Variants in PAPOLG observed in about 807,000 individuals in gnomAD.
The protein encoded by PAPOLG is poly(A) polymerase gamma.
A neutral mutation model predicts 99.0 loss-of-function variants in PAPOLG; 40 were observed. The observed-to-expected ratio is 0.40, with a 90% CI of 0.31 to 0.53. PAPOLG has a LOEUF of 0.53. Ranked by LOEUF, PAPOLG falls within the 20% of genes least tolerant of loss-of-function variation. PAPOLG has a pLI of 0.41. For synonymous variants in PAPOLG, 310 were observed against 299.3 expected (o/e 1.04, Z -0.37); for missense variants, 675 against 884.1 (o/e 0.76, Z 3.00).
At chr2:60,783,679 A>G (rs1397140349) in intron 13 of PAPOLG, among the ~76,000 whole-genome samples, 1 of 150,848 alleles carries the variant, frequency 6.6e-6, no homozygotes, top group Non-Finnish European at 1.5e-5. Context: ...CCCTGTGGCT[A>G]ATTTTTGTAT....
Position 60,797,188 on chromosome 2 carries a change from AAGCAATCATTTAG to A in PAPOLG, c.*29_*41del. On this transcript the variant is annotated 3_prime_UTR_variant, in exon 22 of 22. Transcript: ENST00000238714. ...GCAGTGCCTCCTCACTTAAGTGAAC[AAGCAATCATTTAG>A]TGGCATAGATGCAGCCACTTGTTTT... is the stretch of plus-strand genomic sequence containing the variant. 1 of 1,611,912 alleles carries A rather than the reference AAGCAATCATTTAG, an allele frequency of 6.2e-7. No individual in the cohort carries two copies. Among genetic ancestry groups the A allele is most frequent in the Non-Finnish European group, 8.5e-7 (1 of 1,178,244 alleles).
At chr2:60,788,056 A>G (rs909960527) in intron 15 of PAPOLG, among the ~76,000 whole-genome samples, 2 of 148,198 alleles carry the variant, frequency 1.3e-5, no homozygotes, top group East Asian at 2.0e-4. Context: ...AGAAAAAAAG[A>G]AAAAAAAAAG....
At chr2:60,792,075 G>A (rs1573255703) in intron 16 of PAPOLG, 54 bp from the exon 17 acceptor site, 1 of 1,535,760 alleles carries the variant, frequency 6.5e-7, no homozygotes, top group East Asian at 2.3e-5. Context: ...ATTGAAACCA[G>A]TCTTTATATT....
chr2:60,778,653 G>C (rs1486407787), intron 8 of PAPOLG, among the ~76,000 whole-genome samples: 2 of 152,136 alleles, frequency 1.3e-5, no homozygotes, highest in Non-Finnish European at 2.9e-5. Context: ...TTAAAAAATA[G>C]CAACACATGG....
In PAPOLG at chr2:60,771,585, T is replaced by C; in HGVS notation, c.559T>C (p.Ser187Pro). 6.2e-7 allele frequency: 1 copy of C among 1,609,076 alleles called. No individual in the cohort carries two copies. The highest frequency in any genetic ancestry group is 8.5e-7 in the Non-Finnish European group (1 of 1,178,794). ...AGATAATTTAGATCTAAGAGACGAC[T>C]CTCGCCTGAGAAGCCTTGATATAAG... ...ISDNLDLRDD[S>P]RLRSLDIRCI... is the part of the protein sequence containing the mutation. The change falls in exon 7 of 22, where the codon TCT becomes CCT. Residue 187 changes from serine to proline, a missense_variant. By Grantham distance (74) the Ser-to-Pro change is moderately conservative (BLOSUM62 -1). This residue lies in a region of PAPOLG where 113 missense variants were observed against 231.5 expected (regional missense o/e 0.49). Coordinates refer to ENST00000238714, the MANE Select transcript of PAPOLG (RefSeq NM_022894.4).
Position 60,781,881 on chromosome 2 carries a change from A to G in PAPOLG, c.907-4A>G. The G allele has an allele frequency of 6.2e-7, 1 of 1,613,954 alleles. No individual in the cohort carries two copies. Among genetic ancestry groups the G allele is most frequent in the Non-Finnish European group, 8.5e-7 (1 of 1,179,884 alleles). On this transcript the variant is annotated splice_region_variant and splice_polypyrimidine_tract_variant and intron_variant, in intron 10 of 21. Transcript: ENST00000238714. ...GATCAGTTATTCTGCTTCTAATTTCACAGGTAAATCCATCAGATAGGTATC... is the reference window on the plus strand; with the variant it reads ...GATCAGTTATTCTGCTTCTAATTTCGCAGGTAAATCCATCAGATAGGTATC...
At chr2:60,760,086 G>T (rs937273634) in intron 1 of PAPOLG, 48 bp from the exon 2 acceptor site, 1 of 1,558,760 alleles carries the variant, frequency 6.4e-7, no homozygotes, top group Non-Finnish European at 8.8e-7. Context: ...TATCAGTATG[G>T]TATATACTTT....
rs1263103007 is a variant in PAPOLG, at chr2:60,783,311, AATT to A, written c.1166+108_1166+110del. ...AAGTACTTTCTTGCTTGATTTTCAA[AATT>A]ATTATATCTCTTTTTTTTTTTTTTT... is the stretch of plus-strand genomic sequence containing the variant. On this transcript the variant is annotated intron_variant, in intron 13 of 21. Transcript: ENST00000238714. 5 of 516,012 alleles carry A rather than the reference AATT, an allele frequency of 9.7e-6. No individual in the cohort carries two copies. The East Asian group carries it at 1.7e-4, about 18-fold the overall frequency. The allele number at this position is 516,012 out of a possible 1,614,324, so 32.0% of individuals were successfully genotyped here.
chr2:60,758,084 T>A (rs1670403047), intron 1 of PAPOLG, among the ~76,000 whole-genome samples: 1 of 152,188 alleles, frequency 6.6e-6, no homozygotes, highest in Non-Finnish European at 1.5e-5. Flanking sequence ...CAATACCCCT[T>A]AGGATTATTG....
At chr2:60,795,309 A>G (rs926966716) in intron 21 of PAPOLG, 1 of 538,606 alleles carries the variant, frequency 1.9e-6, no homozygotes. Flanking sequence ...GATGCTCAGC[A>G]CATTAATTTC....
At chr2:60,770,031 G>C (rs1205521451) in intron 5 of PAPOLG, among the ~76,000 whole-genome samples, 1 of 145,986 alleles carries the variant, frequency 6.8e-6, no homozygotes. Flanking sequence ...TTGGTTTTCT[G>C]TTCCTATGTT....
intron 1 of PAPOLG, 62 bp from the exon 2 acceptor site, chr2:60,760,072 A>G (rs1470949147): frequency 6.8e-6 from 10 of 1,468,638 alleles, no homozygotes; most frequent in African/African-American, 1.4e-5. Context: ...TGAGAGATTC[A>G]GTGTATCAGT....
At chr2:60,762,978 T>C (rs1670566620) in intron 3 of PAPOLG, among the ~76,000 whole-genome samples, 1 of 151,704 alleles carries the variant, frequency 6.6e-6, no homozygotes, top group African/African-American at 2.4e-5. Flanking sequence ...AGAGTCTTGC[T>C]CTGTCACCCA....
rs547552939 is a variant in PAPOLG, at chr2:60,784,624, T to C, written c.1166+1415T>C. Among the ~76,000 whole-genome samples the C allele has an allele frequency of 3.6e-4, 55 of 152,360 alleles. No individual in the cohort carries two copies. In the South Asian group the frequency reaches 9.5e-3, roughly 26 times the overall value. ...ATTTCATTGGTAATTAAAGGAACTC[T>C]GAAAATAATCCTGTCACTGAAACAG... On this transcript the variant is annotated intron_variant, in intron 13 of 21. Coordinates refer to ENST00000238714, the MANE Select transcript of PAPOLG (RefSeq NM_022894.4).
At chr2:60,774,954 A>G (rs778960481) in intron 7 of PAPOLG, 80 bp from the exon 8 acceptor site, 84 of 1,581,908 alleles carry the variant, frequency 5.3e-5, no homozygotes, top group Admixed American at 7.6e-5. Flanking sequence ...TTAGCATTCG[A>G]GAGTCTGGAA....
At chr2:60,785,842 C>CA (rs1034322828) in intron 13 of PAPOLG, among the ~76,000 whole-genome samples, 5 of 151,874 alleles carry the variant, frequency 3.3e-5, no homozygotes, top group African/African-American at 1.2e-4. Context: ...CTAGCCTAGC[C>CA]TTAGGTTTGA....
chr2:60,770,545 G>A (rs761707185), intron 6 of PAPOLG, 34 bp downstream of exon 6: 2 of 1,383,760 alleles, frequency 1.4e-6, no homozygotes, highest in Non-Finnish European at 2.0e-6. Context: ...CTTTACAATT[G>A]AACTGTTTAA....
At chr2:60,757,659 CT>C (rs1355110189) in intron 1 of PAPOLG, among the ~76,000 whole-genome samples, 2 of 152,068 alleles carry the variant, frequency 1.3e-5, no homozygotes, top group Non-Finnish European at 2.9e-5. Flanking sequence ...GGAAAACACC[CT>C]AATTTAATTC....
chr2:60,792,952 C>T (rs1302286885), intron 17 of PAPOLG, among the ~76,000 whole-genome samples: 1 of 152,166 alleles, frequency 6.6e-6, no homozygotes, highest in Non-Finnish European at 1.5e-5. Flanking sequence ...AGGAGAATCG[C>T]TTGAACCCAG....
Sources: allele counts gnomAD v4.1 joint callset (sites outside exome capture counted in the v4.1 genomes callset), GRCh38; gene constraint gnomAD v4.1.1; regional missense constraint gnomAD v4.1.1; transcripts MANE v1.5; gene names NCBI Gene and HGNC (gene_info 2026-07-23, HGNC 2026-07-21).